The following DNAJC10 variants were observed in gnomAD, a reference collection of about 807,000 sequenced individuals.
DNAJC10 encodes the protein endoplasmic reticulum disulfide reductase DNAJC10.
DNAJC10 carries 101 observed loss-of-function variants against 115.0 expected under a neutral mutation model. That is an observed-to-expected ratio of 0.88 (90% CI 0.75 to 1.04). The LOEUF is 1.04. Ranked by LOEUF, DNAJC10 falls within the 50% of genes least tolerant of loss-of-function variation. DNAJC10 has a pLI of 0.00. For synonymous variants in DNAJC10, 307 were observed against 301.5 expected, an observed-to-expected ratio of 1.02 and a Z score of -0.19; for missense variants, 981 against 928.8, an observed-to-expected ratio of 1.06 and a Z score of -0.73.
Position 182,790,924 on chromosome 2 carries a change from C to T in DNAJC10, c.*13792C>T, listed in dbSNP as rs1695038501. ...TTTCCTTTGCTTTATTCTCTTATTTCTTCCAAGTAACCATATTCTCTTTTA... is the reference window on the plus strand; with the variant it reads ...TTTCCTTTGCTTTATTCTCTTATTTTTTCCAAGTAACCATATTCTCTTTTA... On this transcript the variant is annotated 3_prime_UTR_variant, in exon 24 of 24. Coordinates refer to ENST00000264065, the MANE Select transcript of DNAJC10 (RefSeq NM_018981.4). 6.6e-6 allele frequency: 1 copy of T among 151,904 alleles called. No homozygotes were observed. The highest frequency in any genetic ancestry group is 6.6e-5 in the Admixed American group (1 of 15,244). 9.4% of individuals were successfully genotyped at this position (151,904 alleles called of 1,614,324 possible).
At chr2:182,750,085 G>C (rs1479630458) in intron 14 of DNAJC10, among the ~76,000 whole-genome samples, 6 of 152,280 alleles carry the variant, frequency 3.9e-5, no homozygotes, top group African/African-American at 1.4e-4. Flanking sequence ...AAGTAGATTT[G>C]TAAAAGACCA....
In DNAJC10 at chr2:182,752,070, A is replaced by G; in HGVS notation, c.1435-2A>G. ...TGCTTATGAATATTTTTTCTTTCCT[A>G]GTGGTGTCCACCATGTCGAGCTTTA... On this transcript the variant is annotated splice_acceptor_variant, in intron 15 of 23. Transcript: ENST00000264065. LOFTEE classifies it high-confidence loss of function. 6.2e-7 allele frequency: 1 copy of G among 1,605,440 alleles called. No homozygotes were observed. The highest frequency in any genetic ancestry group is 8.5e-7 in the Non-Finnish European group (1 of 1,174,290).
rs766910997 is a variant in DNAJC10, at chr2:182,787,851, G to A, written c.*10719G>A. ...TGGGAGGACTGCTTGAGCCCAGGAG[G>A]TCCAGGCTGCAGTGAGCCGTGATCA... On this transcript the variant is annotated 3_prime_UTR_variant, in exon 24 of 24. Transcript: ENST00000264065. The A allele has an allele frequency of 6.6e-6, 1 of 152,364 alleles. No homozygotes were observed. The highest frequency in any genetic ancestry group is 1.5e-5 in the Non-Finnish European group (1 of 68,262). 9.4% of individuals were successfully genotyped at this position (152,364 alleles called of 1,614,324 possible).
chr2:182,718,538 C>T (rs1023346055), intron 3 of DNAJC10, among the ~76,000 whole-genome samples: 8 of 152,148 alleles, frequency 5.3e-5, no homozygotes, highest in African/African-American at 1.9e-4. Flanking sequence ...CTATTAAAGA[C>T]ATTAACCCCA....
At position 182,738,795 on chromosome 2, in the gene DNAJC10, C is replaced by T. The variant is rs552196680; in HGVS notation, c.988-1504C>T. ...GACCTTGTGATCTGCCGGCCTCGGC[C>T]TCCCAAAGTGTTGGGATTACAGGCG... On this transcript the variant is annotated intron_variant, in intron 11 of 23. Transcript: ENST00000264065. 1.1e-3 allele frequency among the ~76,000 whole-genome samples: 161 copies of T among 152,276 alleles called. 1 individual carries two copies. Among genetic ancestry groups the T allele is most frequent in the Admixed American group, 3.2e-3 (49 of 15,298 alleles).
chr2:182,760,333 CTTTA>C (rs755269382), intron 21 of DNAJC10, among the ~76,000 whole-genome samples: 7 of 152,092 alleles, frequency 4.6e-5, no homozygotes, highest in Non-Finnish European at 8.8e-5. Context: ...CATATTAATT[CTTTA>C]TTTATTATTA....
chr2:182,733,258 G>A (rs1431400701), intron 10 of DNAJC10, among the ~76,000 whole-genome samples: 1 of 151,582 alleles, frequency 6.6e-6, no homozygotes. Flanking sequence ...ATCCTTTGGC[G>A]GCTATTTATT....
chr2:182,741,718 T>C (rs1311708019), intron 13 of DNAJC10, among the ~76,000 whole-genome samples: 1 of 152,166 alleles, frequency 6.6e-6, no homozygotes, highest in African/African-American at 2.4e-5. Context: ...AAAGCAATTA[T>C]CTAAAAAAAT....
In DNAJC10 at chr2:182,793,237, G is replaced by C. The variant is rs569919135; in HGVS notation, c.*16105G>C. On this transcript the variant is annotated 3_prime_UTR_variant, in exon 24 of 24. Coordinates refer to ENST00000264065, the MANE Select transcript of DNAJC10 (RefSeq NM_018981.4). ...GCTGGAATGGAGTGAGCTAGCAGGA[G>C]AGAAGATGAAGTTAGAGGGAGAGAG... The C allele has an allele frequency of 1.3e-5, 2 of 152,482 alleles. No individual in the cohort carries two copies. The highest frequency in any genetic ancestry group is 4.8e-5 in the African/African-American group (2 of 41,454). 9.4% of individuals were successfully genotyped at this position (152,482 alleles called of 1,614,324 possible).
Position 182,785,172 on chromosome 2 carries a change from A to T in DNAJC10, c.*8040A>T, listed in dbSNP as rs749344647. The T allele has an allele frequency of 2.0e-5, 3 of 152,226 alleles. No individual in the cohort carries two copies. The highest frequency in any genetic ancestry group is 2.9e-5 in the Non-Finnish European group (2 of 68,028). The allele number at this position is 152,226 out of a possible 1,614,324, so 9.4% of individuals were successfully genotyped here. A position where few individuals can be genotyped will look rare whatever the true frequency, so the allele number is the denominator to read the frequency against. ...TACAGGCACACACACTGCTATAGAC[A>T]TGTAAAGATACATACATGTATTGGA... is the stretch of plus-strand genomic sequence containing the variant. On this transcript the variant is annotated 3_prime_UTR_variant, in exon 24 of 24. Coordinates refer to ENST00000264065, the MANE Select transcript of DNAJC10 (RefSeq NM_018981.4).
At chr2:182,737,987 T>A (rs1392187294) in intron 11 of DNAJC10, among the ~76,000 whole-genome samples, 3 of 152,160 alleles carry the variant, frequency 2.0e-5, no homozygotes, top group Non-Finnish European at 2.9e-5. Flanking sequence ...GTAATCTAGT[T>A]TTTTCACTCA....
At chr2:182,762,555 G>C in intron 21 of DNAJC10, 127 bp from the exon 22 acceptor site, 2 of 965,404 alleles carry the variant, frequency 2.1e-6, no homozygotes, top group African/African-American at 3.3e-5. Flanking sequence ...AATCTTGTTT[G>C]AGTAGGAAGA....
chr2:182,721,178 C>T (rs1693141399), intron 4 of DNAJC10, among the ~76,000 whole-genome samples: 1 of 152,044 alleles, frequency 6.6e-6, no homozygotes, highest in East Asian at 1.9e-4. Context: ...CTGTATTAGA[C>T]TAAATGAAGT....
intron 22 of DNAJC10, among the ~76,000 whole-genome samples, chr2:182,770,067 T>G (rs1217153297): frequency 6.6e-6 from 1 of 152,144 alleles, no homozygotes; most frequent in African/African-American, 2.4e-5. Context: ...CACCATTTAT[T>G]AAATAGGGTA....
intron 10 of DNAJC10, among the ~76,000 whole-genome samples, chr2:182,735,416 G>T (rs747691866): frequency 2.4e-4 from 36 of 151,846 alleles, no homozygotes; most frequent in Non-Finnish European, 4.9e-4. Context: ...ATGCTCCCAT[G>T]TAACACCACC....
In DNAJC10 at chr2:182,793,729, A is replaced by T. The variant is rs187260802; in HGVS notation, c.*16597A>T. 1.3e-5 allele frequency: 2 copies of T among 151,766 alleles called. No individual in the cohort carries two copies. Among genetic ancestry groups the T allele is most frequent in the South Asian group, 4.2e-4 (2 of 4,808 alleles). 9.4% of individuals were successfully genotyped at this position (151,766 alleles called of 1,614,324 possible). The stretch of plus-strand genomic sequence containing the variant: ...ACTAAATTAGGTTGCAATTTATTAC[A>T]TGGGAACTCAAAGTCTGGAGACAGC... On this transcript the variant is annotated 3_prime_UTR_variant, in exon 24 of 24. Coordinates refer to ENST00000264065, the MANE Select transcript of DNAJC10 (RefSeq NM_018981.4).
At chr2:182,769,816 T>C (rs1385112083) in intron 22 of DNAJC10, among the ~76,000 whole-genome samples, 1 of 152,194 alleles carries the variant, frequency 6.6e-6, no homozygotes, top group South Asian at 2.1e-4. Flanking sequence ...AGAAGCTCTT[T>C]AGTTTAATTA....
chr2:182,755,818 A>G (rs1234770355), intron 17 of DNAJC10, among the ~76,000 whole-genome samples: 2 of 152,236 alleles, frequency 1.3e-5, no homozygotes, highest in African/African-American at 4.8e-5. Flanking sequence ...CTCTGTAGAC[A>G]TCCAGGCAGC....
At chr2:182,747,090 A>G (rs1251927166) in intron 14 of DNAJC10, among the ~76,000 whole-genome samples, 1 of 152,010 alleles carries the variant, frequency 6.6e-6, no homozygotes. Flanking sequence ...ATTGATCTAT[A>G]TCTCTGTTTT....
Sources: allele counts gnomAD v4.1 joint callset (sites outside exome capture counted in the v4.1 genomes callset), GRCh38; gene constraint gnomAD v4.1.1; transcripts MANE v1.5; gene names NCBI Gene and HGNC (gene_info 2026-07-23, HGNC 2026-07-21).